GABRG3: variants seen among roughly 807,000 people sequenced by gnomAD.
GABRG3 encodes gamma-aminobutyric acid receptor subunit gamma-3.
In GABRG3, 25 loss-of-function variants were observed where a neutral mutation model predicts 48.8. The ratio of observed to expected loss-of-function variants is 0.51; its 90% CI spans 0.37 to 0.72. The LOEUF (loss-of-function observed/expected upper bound fraction) is 0.72, where lower values mean the gene tolerates loss of function less well. GABRG3 is among the 30% of genes least tolerant of loss of function. The pLI, the probability that GABRG3 is intolerant of heterozygous loss-of-function variation, is 0.00. For synonymous variants in GABRG3, 227 were observed against 217.6 expected, an observed-to-expected ratio of 1.04 and a Z score of -0.38; for missense variants, 394 against 577.9, an observed-to-expected ratio of 0.68 and a Z score of 3.26.
intron 3 of GABRG3, among the ~76,000 whole-genome samples, chr15:27,111,540 T>A (rs1897549479): frequency 6.6e-6 from 1 of 152,134 alleles, no homozygotes; most frequent in South Asian, 2.1e-4. Flanking sequence ...GGCAGCGGGC[T>A]TTGTTTCTTG....
At chr15:27,506,805 T>C (rs957650448) in intron 6 of GABRG3, among the ~76,000 whole-genome samples, 21 of 152,174 alleles carry the variant, frequency 1.4e-4, no homozygotes, top group Non-Finnish European at 4.4e-5. Context: ...TTTTTTCTTT[T>C]AAATTTCACT....
intron 5 of GABRG3, among the ~76,000 whole-genome samples, chr15:27,339,509 G>C (rs954853272): frequency 1.3e-5 from 2 of 152,178 alleles, no homozygotes; most frequent in Admixed American, 6.5e-5. Flanking sequence ...TCCTGTCCTT[G>C]CTTCCCGTTA....
chr15:27,288,563 G>C (rs1358783429), intron 3 of GABRG3, among the ~76,000 whole-genome samples: 1 of 151,948 alleles, frequency 6.6e-6, no homozygotes, highest in African/African-American at 2.4e-5. Context: ...ACAGGAGGTA[G>C]AGCTCAGGCA....
At chr15:27,075,598 G>A (rs1009593046) in intron 3 of GABRG3, among the ~76,000 whole-genome samples, 2 of 143,660 alleles carry the variant, frequency 1.4e-5, no homozygotes, top group African/African-American at 5.3e-5. Context: ...TAATTCATGG[G>A]ACCTGAGTCA....
chr15:27,227,714 A>G (rs1168613743), intron 3 of GABRG3, among the ~76,000 whole-genome samples: 6 of 151,072 alleles, frequency 4.0e-5, no homozygotes, highest in African/African-American at 1.5e-4. Flanking sequence ...AACCATGGCA[A>G]TTTTTTTTTA....
chr15:27,374,244 C>G (rs940395713), intron 5 of GABRG3, among the ~76,000 whole-genome samples: 2 of 150,520 alleles, frequency 1.3e-5, no homozygotes, highest in African/African-American at 2.5e-5. Context: ...GTGATCCCCC[C>G]ACAACAGCCT....
chr15:27,260,511 A>T (rs1890738227), intron 3 of GABRG3, among the ~76,000 whole-genome samples: 1 of 152,170 alleles, frequency 6.6e-6, no homozygotes, highest in African/African-American at 2.4e-5. Context: ...CGAGTTCTGC[A>T]TTCCAAGGAT....
chr15:27,416,131 T>C (rs993330635), intron 5 of GABRG3, among the ~76,000 whole-genome samples: 2 of 152,220 alleles, frequency 1.3e-5, no homozygotes, highest in African/African-American at 4.8e-5. Flanking sequence ...ACTTTTTGGC[T>C]TACATGTCAA....
intron 3 of GABRG3, among the ~76,000 whole-genome samples, chr15:27,178,172 A>G (rs1887806843): frequency 6.6e-6 from 1 of 152,178 alleles, no homozygotes; most frequent in Non-Finnish European, 1.5e-5. Flanking sequence ...CAAGAAGAGA[A>G]TTTTTGTCAA....
At chr15:27,198,186 A>T (rs1034657328) in intron 3 of GABRG3, among the ~76,000 whole-genome samples, 4 of 152,246 alleles carry the variant, frequency 2.6e-5, no homozygotes, top group Admixed American at 1.3e-4. Context: ...GCACAGCAAA[A>T]GAAACTACCA....
chr15:27,432,822 T>C (rs4633669), intron 5 of GABRG3, among the ~76,000 whole-genome samples: 74,551 of 152,050 alleles, frequency 0.49, 22,069 homozygotes, highest in African/African-American at 0.84. Flanking sequence ...TGCTTCTTTC[T>C]AACTGTGCTT....
At chr15:27,022,710 C>T (rs900553251) in intron 2 of GABRG3, among the ~76,000 whole-genome samples, 4 of 152,276 alleles carry the variant, frequency 2.6e-5, no homozygotes, top group African/African-American at 4.8e-5. Context: ...ACCCGCCCGG[C>T]CCTGCATTCC....
At chr15:27,270,638 G>A (rs1891053752) in intron 3 of GABRG3, among the ~76,000 whole-genome samples, 2 of 152,176 alleles carry the variant, frequency 1.3e-5, no homozygotes, top group African/African-American at 4.8e-5. Context: ...GTTACAGTTA[G>A]AAGGAATAAG....
At chr15:27,333,196 G>C (rs1184609827) in intron 5 of GABRG3, among the ~76,000 whole-genome samples, 3 of 152,134 alleles carry the variant, frequency 2.0e-5, no homozygotes, top group African/African-American at 7.2e-5. Context: ...AACAGCATTG[G>C]TTGTTTTATT....
At chr15:27,013,067 T>C (rs1895718491) in intron 2 of GABRG3, among the ~76,000 whole-genome samples, 1 of 152,112 alleles carries the variant, frequency 6.6e-6, no homozygotes, top group South Asian at 2.1e-4. Flanking sequence ...AATAAAATAT[T>C]TTGTAGTAGT....
chr15:27,186,027 T>TA (rs1487861052), intron 3 of GABRG3, among the ~76,000 whole-genome samples: 4 of 151,796 alleles, frequency 2.6e-5, no homozygotes, highest in Admixed American at 1.3e-4. Context: ...TTTTTTTTTT[T>TA]TTTTTCAAAT....
chr15:27,481,241 T>G (rs2030286861), intron 6 of GABRG3: 1 of 972,856 alleles, frequency 1.0e-6, no homozygotes, highest in Non-Finnish European at 1.2e-6. Flanking sequence ...TTTCAATGAT[T>G]GAAAGTAATT....
At chr15:27,306,457 A>G (rs999505092) in intron 3 of GABRG3, among the ~76,000 whole-genome samples, 2 of 140,914 alleles carry the variant, frequency 1.4e-5, no homozygotes, top group African/African-American at 5.2e-5. Context: ...TCTACATATA[A>G]ACATAAACAT....
intron 3 of GABRG3, among the ~76,000 whole-genome samples, chr15:27,316,275 C>G (rs1178455019): frequency 1.3e-5 from 2 of 150,142 alleles, no homozygotes; most frequent in East Asian, 4.0e-4. Flanking sequence ...GTAGTCCCAG[C>G]TACTTGGGAG....
Sources: gnomAD v4.1 joint callset for allele counts (sites outside exome capture counted in the v4.1 genomes callset) on GRCh38, gnomAD v4.1.1 for gene constraint, MANE v1.5 for transcripts, NCBI Gene and HGNC (gene_info 2026-07-23, HGNC 2026-07-21) for gene names.